The following STXBP5L variants were observed in gnomAD, a reference collection of about 807,000 sequenced individuals.
STXBP5L encodes the protein syntaxin binding protein 5L, also known as syntaxin-binding protein 5-like.
In STXBP5L, 65 loss-of-function variants were observed where a neutral mutation model predicts 144.5. The ratio of observed to expected loss-of-function variants is 0.45; its 90% CI spans 0.37 to 0.55. STXBP5L has a LOEUF of 0.55. Ranked by LOEUF, STXBP5L falls within the 20% of genes least tolerant of loss-of-function variation. The pLI is 0.00. For synonymous variants in STXBP5L, 505 were observed against 469.6 expected (o/e 1.08, Z -0.97); for missense variants, 1,298 against 1,405.5 (o/e 0.92, Z 1.22).
rs189655648 is a variant in STXBP5L at position 120,909,509 on chromosome 3, A to G, written c.-8-62A>G. On this transcript the variant is annotated intron_variant, in intron 1 of 26. Coordinates refer to ENST00000471454, the MANE Select transcript of STXBP5L (RefSeq NM_001308330.2). Reference sequence around the variant, plus strand: ...TAATGAAAAGAGAAAGGCTTTTACCAAGGTCTAATTGCACGTGTTAAGTCA... The same window carrying G: ...TAATGAAAAGAGAAAGGCTTTTACCGAGGTCTAATTGCACGTGTTAAGTCA... 8.6e-5 allele frequency: 121 copies of G among 1,411,404 alleles called. 2 individuals are homozygous for G. The East Asian group carries it at 2.9e-3, about 34-fold the overall frequency. 87.4% of individuals were successfully genotyped at this position (1,411,404 alleles called of 1,614,324 possible). A position where few individuals can be genotyped will look rare whatever the true frequency, so the allele number is the denominator to read the frequency against.
At chr3:121,399,696 C>T (rs2046823251) in intron 22 of STXBP5L, among the ~76,000 whole-genome samples, 1 of 152,224 alleles carries the variant, frequency 6.6e-6, no homozygotes, top group Admixed American at 6.5e-5. Flanking sequence ...TTAAGAATAC[C>T]TTTAAGCAGT....
At chr3:120,920,602 A>T (rs1559873624) in intron 2 of STXBP5L, among the ~76,000 whole-genome samples, 1 of 151,722 alleles carries the variant, frequency 6.6e-6, no homozygotes, top group African/African-American at 2.4e-5. Context: ...TTATTTCTTG[A>T]TTCAAAATAT....
At chr3:121,359,987 T>A (rs902632872) in intron 20 of STXBP5L, among the ~76,000 whole-genome samples, 12 of 146,004 alleles carry the variant, frequency 8.2e-5, no homozygotes, top group Non-Finnish European at 1.5e-4. Flanking sequence ...ATAATATATA[T>A]AATATATATA....
At chr3:121,352,150 T>C (rs906086903) in intron 20 of STXBP5L, among the ~76,000 whole-genome samples, 4 of 152,142 alleles carry the variant, frequency 2.6e-5, no homozygotes, top group South Asian at 2.1e-4. Context: ...TGGCTTAGGA[T>C]TGACTTGGCA....
At chr3:121,029,375 C>T (rs1390752286) in intron 3 of STXBP5L, among the ~76,000 whole-genome samples, 1 of 151,970 alleles carries the variant, frequency 6.6e-6, no homozygotes, top group Non-Finnish European at 1.5e-5. Flanking sequence ...GAAATAACAC[C>T]ACACATCTAC....
intron 13 of STXBP5L, among the ~76,000 whole-genome samples, 156 bp from the exon 14 acceptor site, chr3:121,240,284 T>C (rs1229013774): frequency 1.3e-5 from 2 of 152,218 alleles, no homozygotes; most frequent in Admixed American, 1.3e-4. Context: ...GTTTGTTCAA[T>C]GAAAGAATTA....
At chr3:121,406,819 T>C (rs2047002962) in intron 22 of STXBP5L, among the ~76,000 whole-genome samples, 1 of 152,078 alleles carries the variant, frequency 6.6e-6, no homozygotes, top group Non-Finnish European at 1.5e-5. Flanking sequence ...TTGAAGTTAT[T>C]TCAATAAATA....
intron 20 of STXBP5L, among the ~76,000 whole-genome samples, chr3:121,323,848 G>A (rs1318791720): frequency 6.6e-6 from 1 of 152,090 alleles, no homozygotes; most frequent in Non-Finnish European, 1.5e-5. Context: ...CCTGGTACAG[G>A]ACTACAACCT....
In STXBP5L at chr3:121,331,741, AC is replaced by A. The variant is rs577984739; in HGVS notation, c.2176+13206del. On this transcript the variant is annotated intron_variant, in intron 20 of 26. Transcript: ENST00000471454. ...CATACTTTAGCTACATCTGGTTTTT[AC>A]CCCCAGACACCTCCCCTACTGGACT... is the stretch of plus-strand genomic sequence containing the variant. 2.6e-5 allele frequency among the ~76,000 whole-genome samples: 4 copies of A among 152,096 alleles called. 1 individual carries two copies. The South Asian group carries it at 8.3e-4, about 32-fold the overall frequency.
At chr3:120,974,421 C>T (rs1031773207) in intron 3 of STXBP5L, among the ~76,000 whole-genome samples, 5 of 149,908 alleles carry the variant, frequency 3.3e-5, no homozygotes, top group African/African-American at 1.2e-4. Context: ...TGTTTGAGTT[C>T]ATTGTAGATT....
At chr3:121,173,316 C>A (rs1236816991) in intron 9 of STXBP5L, among the ~76,000 whole-genome samples, 1 of 84,878 alleles carries the variant, frequency 1.2e-5, no homozygotes, top group Non-Finnish European at 2.3e-5. Flanking sequence ...TATCCCAGAA[C>A]TTAAAATATA....
At chr3:121,024,480 C>T (rs926507417) in intron 3 of STXBP5L, among the ~76,000 whole-genome samples, 1 of 152,080 alleles carries the variant, frequency 6.6e-6, no homozygotes, top group Admixed American at 6.6e-5. Context: ...ATTCAAATAC[C>T]TTTCAGTGTT....
intron 2 of STXBP5L, among the ~76,000 whole-genome samples, chr3:120,934,933 T>C (rs2107632258): frequency 6.6e-6 from 1 of 152,110 alleles, no homozygotes; most frequent in Non-Finnish European, 1.5e-5. Context: ...GGGGACTGGT[T>C]TTTTAATCCA....
intron 2 of STXBP5L, among the ~76,000 whole-genome samples, chr3:120,936,088 A>C (rs612545): frequency 0.38 from 57,000 of 151,870 alleles, 10,900 homozygotes; most frequent in Non-Finnish European, 0.4. Flanking sequence ...ATTTCTATTG[A>C]ATTTTCTTCA....
At chr3:120,981,746 G>T (rs560532929) in intron 3 of STXBP5L, among the ~76,000 whole-genome samples, 2 of 152,224 alleles carry the variant, frequency 1.3e-5, no homozygotes, top group African/African-American at 4.8e-5. Flanking sequence ...ACAACACTTT[G>T]TTTTTTCATA....
intron 9 of STXBP5L, among the ~76,000 whole-genome samples, chr3:121,175,170 A>G (rs2046884024): frequency 6.6e-6 from 1 of 152,124 alleles, no homozygotes. Flanking sequence ...AACTGGACAA[A>G]CTGTAGGAGA....
chr3:121,153,654 G>T (rs2046011209), intron 8 of STXBP5L, among the ~76,000 whole-genome samples: 2 of 151,778 alleles, frequency 1.3e-5, no homozygotes, highest in South Asian at 4.1e-4. Context: ...GGTGCTTAAA[G>T]ATATAAGCCT....
At chr3:121,416,027 T>C in intron 25 of STXBP5L, 59 bp downstream of exon 25, 1 of 1,294,474 alleles carries the variant, frequency 7.7e-7, no homozygotes, top group Non-Finnish European at 1.1e-6. Context: ...TCTGTGTATG[T>C]GTATTTGTGT....
At chr3:120,957,330 A>G (rs1938146411) in intron 3 of STXBP5L, among the ~76,000 whole-genome samples, 1 of 152,010 alleles carries the variant, frequency 6.6e-6, no homozygotes, top group South Asian at 2.1e-4. Context: ...TTACTGTGAT[A>G]TATGATATTT....
Sources: allele counts gnomAD v4.1 joint callset (sites outside exome capture counted in the v4.1 genomes callset), GRCh38; gene constraint gnomAD v4.1.1; transcripts MANE v1.5; gene names NCBI Gene and HGNC (gene_info 2026-07-23, HGNC 2026-07-21).